ANXA4: variants seen among roughly 807,000 people sequenced by gnomAD.
ANXA4 encodes the protein annexin A4, also known as 35-beta calcimedin.
In ANXA4, 39 loss-of-function variants were observed where a neutral mutation model predicts 49.8. That is an observed-to-expected ratio of 0.78 (90% CI 0.61 to 1.02). The LOEUF (loss-of-function observed/expected upper bound fraction) is 1.02, where lower values mean the gene tolerates loss of function less well. Among genes scored for constraint, ANXA4 ranks in the 50% least tolerant of loss-of-function variants. The probability of loss-of-function intolerance (pLI) is 0.00; values close to 1 mark genes in which losing one functional copy is unlikely to be tolerated. For missense variants in ANXA4, 360 were observed against 410.1 expected (o/e 0.88, Z 1.05); for synonymous variants, 134 against 152.5 (o/e 0.88, Z 0.89).
chr2:69,714,540 G>A (rs56692662), intron 2 of ANXA4, among the ~76,000 whole-genome samples: 8,753 of 152,304 alleles, frequency 0.057, 875 homozygotes, highest in African/African-American at 0.2. Flanking sequence ...GTGCCCATCA[G>A]TGTATCAAAC....
chr2:69,777,365 T>C (rs986453328), intron 1 of ANXA4, among the ~76,000 whole-genome samples: 12 of 152,062 alleles, frequency 7.9e-5, no homozygotes, highest in African/African-American at 2.7e-4. Flanking sequence ...AATCACAGAG[T>C]TTGTTTACCA....
chr2:69,741,647 G>A, upstream of ANXA4, among the ~76,000 whole-genome samples: 1 of 152,398 alleles, frequency 6.6e-6, no homozygotes, highest in South Asian at 2.1e-4. Flanking sequence ...ACCTGCCGTT[G>A]GGAGACGAAC....
chr2:69,653,977 T>C lies in ANXA4; in HGVS notation n.766+695T>C, dbSNP rs563494908. On this transcript the variant is annotated intron_variant and non_coding_transcript_variant, in intron 2 of 3. Transcript: ENST00000418066. ...TATTTCCTTGAGCAATGGTTTGTAG[T>C]TCTCCTTGAAGAGGTCCTTCACATC... Among the ~76,000 whole-genome samples the C allele has an allele frequency of 1.5e-3, 223 of 152,338 alleles. 1 individual carries two copies. The highest frequency in any genetic ancestry group is 7.9e-3 in the South Asian group (38 of 4,830).
intron 6 of ANXA4, chr2:69,808,379 C>T (rs974086979): frequency 3.0e-5 from 6 of 198,410 alleles, no homozygotes; most frequent in Admixed American, 1.1e-4. Context: ...TCAGACTGGA[C>T]TGTACGTCCT....
intron 11 of ANXA4, 115 bp from the exon 12 acceptor site, chr2:69,820,584 T>A: frequency 8.0e-7 from 1 of 1,256,046 alleles, no homozygotes; most frequent in Non-Finnish European, 1.1e-6. Flanking sequence ...TGCCAAGTAG[T>A]GGAGCAAAGG....
At chr2:69,737,204 C>A (rs192531096), upstream of ANXA4, among the ~76,000 whole-genome samples, 43 of 152,320 alleles carry the variant, frequency 2.8e-4, 2 homozygotes, top group African/African-American at 9.9e-4. Context: ...TTATGTGAAA[C>A]CTTATTTCCT....
intron 5 of ANXA4, among the ~76,000 whole-genome samples, chr2:69,807,509 C>T (rs1208243260): frequency 2.0e-5 from 3 of 152,198 alleles, no homozygotes; most frequent in Non-Finnish European, 4.4e-5. Flanking sequence ...TCCTCCTCAA[C>T]CATGTCAATA....
intron 2 of ANXA4, among the ~76,000 whole-genome samples, chr2:69,704,511 A>G (rs1678428815): frequency 1.3e-5 from 2 of 152,204 alleles, no homozygotes; most frequent in Non-Finnish European, 2.9e-5. Flanking sequence ...TGGCCTCGAT[A>G]GACGAGAGTG....
At chr2:69,754,439 T>G (rs1670969427) in intron 1 of ANXA4, among the ~76,000 whole-genome samples, 1 of 152,176 alleles carries the variant, frequency 6.6e-6, no homozygotes, top group Non-Finnish European at 1.5e-5. Flanking sequence ...TTATTTTTAT[T>G]TTTTAGAGAT....
At chr2:69,751,321 C>G (rs1290315959) in intron 1 of ANXA4, among the ~76,000 whole-genome samples, 1 of 151,984 alleles carries the variant, frequency 6.6e-6, no homozygotes, top group East Asian at 1.9e-4. Context: ...CGAGACCAGC[C>G]TGGGCGAAAC....
intron 2 of ANXA4, among the ~76,000 whole-genome samples, chr2:69,672,314 C>T (rs1046966485): frequency 6.7e-6 from 1 of 150,172 alleles, no homozygotes; most frequent in African/African-American, 2.5e-5. Flanking sequence ...TCAGTGCAAC[C>T]TCTGCCTCTT....
intron 2 of ANXA4, among the ~76,000 whole-genome samples, chr2:69,664,867 C>G (rs1464993188): frequency 1.3e-5 from 2 of 152,164 alleles, no homozygotes; most frequent in Non-Finnish European, 2.9e-5. Context: ...CTTTGGGAGG[C>G]TGAGGCAGGC....
intron 1 of ANXA4, among the ~76,000 whole-genome samples, chr2:69,753,636 G>C (rs72903074): frequency 2.0e-5 from 3 of 152,208 alleles, no homozygotes; most frequent in Admixed American, 2.0e-4. Context: ...ACTTCAAAGC[G>C]TCTTAGCAGG....
chr2:69,695,124 A>T (rs112317011), intron 2 of ANXA4, among the ~76,000 whole-genome samples: 252 of 152,152 alleles, frequency 1.7e-3, no homozygotes, highest in African/African-American at 6.0e-3. Context: ...AGCTTGGGTG[A>T]CAGAGCAAGA....
intron 1 of ANXA4, among the ~76,000 whole-genome samples, chr2:69,778,020 A>G (rs890548604): frequency 2.0e-5 from 3 of 152,224 alleles, no homozygotes; most frequent in African/African-American, 7.2e-5. Context: ...GACTGTTCCA[A>G]TAAGTCTTCG....
intron 2 of ANXA4, among the ~76,000 whole-genome samples, chr2:69,712,098 G>T (rs1193119818): frequency 2.0e-5 from 3 of 151,588 alleles, no homozygotes; most frequent in Admixed American, 1.3e-4. Context: ...TAACTATTGC[G>T]TGCTTCCAAA....
At chr2:69,756,220 C>T (rs1288821121) in intron 1 of ANXA4, among the ~76,000 whole-genome samples, 2 of 152,212 alleles carry the variant, frequency 1.3e-5, no homozygotes, top group Non-Finnish European at 2.9e-5. Context: ...TTGGAAGCTA[C>T]CAGCCCAGCT....
chr2:69,712,345 C>T (rs1678703049), intron 2 of ANXA4, among the ~76,000 whole-genome samples: 1 of 152,254 alleles, frequency 6.6e-6, no homozygotes, highest in Admixed American at 6.5e-5. Flanking sequence ...TGGTCCTTTA[C>T]ATTCCGTGGG....
chr2:69,781,722 A>G lies in ANXA4; in HGVS notation c.9+148A>G. The stretch of plus-strand genomic sequence containing the variant: ...TGAAAAGGCAGGTCTATTTCTAAAC[A>G]TCATTTAAATTTCTTTTAGGGGTGG... On this transcript the variant is annotated intron_variant, in intron 2 of 12. Transcript: ENST00000394295. 1.0e-5 allele frequency: 9 copies of G among 896,710 alleles called. No homozygotes were observed. The South Asian group carries it at 1.4e-4, about 14-fold the overall frequency. The allele number at this position is 896,710 out of a possible 1,614,324, so 55.5% of individuals were successfully genotyped here.
Sources: gnomAD v4.1 joint callset for allele counts (sites outside exome capture counted in the v4.1 genomes callset) on GRCh38, gnomAD v4.1.1 for gene constraint, MANE v1.5 for transcripts, NCBI Gene and HGNC (gene_info 2026-07-23, HGNC 2026-07-21) for gene names.